The following AOX1 variants were observed in gnomAD, a reference collection of about 807,000 sequenced individuals.
The protein encoded by AOX1 is aldehyde oxidase.
A neutral mutation model predicts 169.5 loss-of-function variants in AOX1; 153 were observed. The ratio of observed to expected loss-of-function variants is 0.90; its 90% CI spans 0.79 to 1.03. The LOEUF (loss-of-function observed/expected upper bound fraction) is 1.03, where lower values mean the gene tolerates loss of function less well. Among genes scored for constraint, AOX1 ranks in the 50% least tolerant of loss-of-function variants. The pLI is 0.00. For synonymous variants in AOX1, 562 were observed against 581.9 expected, an observed-to-expected ratio of 0.97 and a Z score of 0.49; for missense variants, 1,656 against 1,663.9, an observed-to-expected ratio of 1.00 and a Z score of 0.08.
At chr2:200,586,179 C>T in intron 1 of AOX1, 26 bp downstream of exon 1, 1 of 1,546,008 alleles carries the variant, frequency 6.5e-7, no homozygotes, top group Non-Finnish European at 8.7e-7. Flanking sequence ...CTTCCTCTGC[C>T]CCCAGACCTG....
chr2:200,602,420 G>C, intron 6 of AOX1, 75 bp downstream of exon 6: 1 of 1,315,332 alleles, frequency 7.6e-7, no homozygotes, highest in Non-Finnish European at 1.1e-6. Flanking sequence ...CAGTGATTAG[G>C]GGGGCAGCCA....
At chr2:200,646,135 C>T (rs1362905514) in intron 25 of AOX1, among the ~76,000 whole-genome samples, 1 of 151,832 alleles carries the variant, frequency 6.6e-6, no homozygotes, top group Non-Finnish European at 1.5e-5. Context: ...TCTTTAGTTC[C>T]TTGAGGTGTG....
intron 27 of AOX1, among the ~76,000 whole-genome samples, 150 bp from the exon 28 acceptor site, chr2:200,659,012 CAAG>C (rs748771115): frequency 4.6e-5 from 7 of 152,162 alleles, no homozygotes; most frequent in South Asian, 2.1e-4. Flanking sequence ...TTTTTAGAAA[CAAG>C]AAACTTTTCA....
At chr2:200,626,870 C>A (rs559930824) in intron 19 of AOX1, among the ~76,000 whole-genome samples, 3 of 152,352 alleles carry the variant, frequency 2.0e-5, no homozygotes, top group South Asian at 4.1e-4. Context: ...CAACCACGAT[C>A]CTATTGGAGC....
rs763957532 is a variant in AOX1 at position 200,670,708 on chromosome 2, A to T, written c.*29A>T. 18 of 1,591,602 alleles carry T rather than the reference A, an allele frequency of 1.1e-5. No individual in the cohort carries two copies. In the South Asian group the frequency reaches 1.7e-4, roughly 15 times the overall value. On this transcript the variant is annotated 3_prime_UTR_variant, in exon 35 of 35. Coordinates refer to ENST00000374700, the MANE Select transcript of AOX1 (RefSeq NM_001159.4). ...AAATGCAAACTTCTGGAGAAAACAGAGTGCCTCTTCCCAGATGGCAATCTG... is the reference window on the plus strand; with the variant it reads ...AAATGCAAACTTCTGGAGAAAACAGTGTGCCTCTTCCCAGATGGCAATCTG...
chr2:200,634,826 A>G lies in AOX1; in HGVS notation c.2257A>G (p.Met753Val). The change falls in exon 21 of 35, where the codon ATG becomes GTG. Residue 753 changes from methionine to valine, a missense_variant. Coordinates refer to ENST00000374700, the MANE Select transcript of AOX1 (RefSeq NM_001159.4). Reference sequence around the variant, plus strand: ...TATGGGAGGTCAAGAACATTTTTATATGGAAACCCAAAGCATGCTTGTCGT... The same window carrying G: ...TATGGGAGGTCAAGAACATTTTTATGTGGAAACCCAAAGCATGCTTGTCGT... ...IHMGGQEHFY[M>V]ETQSMLVVPK... 6.2e-7 allele frequency: 1 copy of G among 1,614,034 alleles called. No homozygotes were observed.
chr2:200,630,210 TAAAAAAAAAAAA>T (rs57410809), intron 20 of AOX1, among the ~76,000 whole-genome samples: 4,348 of 95,520 alleles, frequency 0.046, 116 homozygotes, highest in South Asian at 0.099. Flanking sequence ...TCCTTCTATT[TAAAAAAAAAAAA>T]AAAAAAAAAA....
In AOX1 at chr2:200,604,100, G is replaced by T; in HGVS notation, c.669+3G>T. On this transcript the variant is annotated splice_donor_region_variant and intron_variant, in intron 8 of 34. Coordinates refer to ENST00000374700, the MANE Select transcript of AOX1 (RefSeq NM_001159.4). ...TGATATTTCCTCCTGAGCTAATGGT[G>T]AGTAAAGCAATGTTGAGCTCATCCT... 6.3e-7 allele frequency: 1 copy of T among 1,598,722 alleles called. No homozygotes were observed. The highest frequency in any genetic ancestry group is 8.6e-7 in the Non-Finnish European group (1 of 1,165,934).
intron 26 of AOX1, among the ~76,000 whole-genome samples, chr2:200,653,977 A>G (rs2035629555): frequency 1.3e-5 from 2 of 152,150 alleles, no homozygotes; most frequent in Admixed American, 1.3e-4. Context: ...TGACTGCTCC[A>G]CAAATAGAGG....
At chr2:200,596,301 C>T (rs2034281996) in intron 3 of AOX1, among the ~76,000 whole-genome samples, 1 of 152,188 alleles carries the variant, frequency 6.6e-6, no homozygotes, top group Admixed American at 6.5e-5. Context: ...GCTTACCTCT[C>T]TCACCTTCCA....
At chr2:200,601,764 C>G (rs1007654473) in intron 5 of AOX1, among the ~76,000 whole-genome samples, 4 of 151,994 alleles carry the variant, frequency 2.6e-5, no homozygotes, top group African/African-American at 9.7e-5. Context: ...GAAATCCCAT[C>G]TGTACTAAAA....
intron 29 of AOX1, 96 bp from the exon 30 acceptor site, chr2:200,661,483 T>C (rs2035827885): frequency 1.0e-5 from 10 of 991,886 alleles, no homozygotes; most frequent in Non-Finnish European, 1.6e-5. Flanking sequence ...TTGCTGATAG[T>C]TTTATTTAAC....
Position 200,620,713 on chromosome 2 carries a change from G to A in AOX1, c.1768G>A (p.Val590Met), listed in dbSNP as rs1374295191. The A allele has an allele frequency of 6.2e-7, 1 of 1,604,788 alleles. No homozygotes were observed. Among genetic ancestry groups the A allele is most frequent in the South Asian group, 1.1e-5 (1 of 88,182 alleles). ...IGHPIMHLSG[V>M]KHATGEAIYC... ...CCACCCCATCATGCATCTGTCTGGT[G>A]TGAAGCATGCCACGGGGGAGGCCAT... is the stretch of plus-strand genomic sequence containing the variant. The change falls in exon 17 of 35, where the codon GTG (valine) becomes ATG (methionine). Residue 590 changes from valine to methionine, a missense_variant. Physicochemically the swap from Val to Met is conservative, Grantham distance 21 (BLOSUM62 1). Coordinates refer to ENST00000374700, the MANE Select transcript of AOX1 (RefSeq NM_001159.4).
In AOX1 at chr2:200,587,087, C is replaced by T. The variant is rs544697418; in HGVS notation, c.45+934C>T. Among the ~76,000 whole-genome samples, 9 of 150,860 alleles carry T rather than the reference C, an allele frequency of 6.0e-5. No individual in the cohort carries two copies. In the East Asian group the frequency reaches 1.2e-3, roughly 20 times the overall value. On this transcript the variant is annotated intron_variant, in intron 1 of 34. Transcript: ENST00000374700. Reference sequence around the variant, plus strand: ...TTCGAGTTTAGCCTGGGCAACATGGCGAAACCTTGTCTCTACAAAAAAAAA... The same window carrying T: ...TTCGAGTTTAGCCTGGGCAACATGGTGAAACCTTGTCTCTACAAAAAAAAA...
intron 23 of AOX1, among the ~76,000 whole-genome samples, chr2:200,640,803 G>A (rs1476708018): frequency 2.6e-5 from 4 of 152,150 alleles, no homozygotes; most frequent in Non-Finnish European, 5.9e-5. Context: ...TGTGAGGAAA[G>A]GTGATATGAA....
At chr2:200,656,511 C>G (rs2287013) in intron 26 of AOX1, among the ~76,000 whole-genome samples, 1 of 151,878 alleles carries the variant, frequency 6.6e-6, no homozygotes, top group South Asian at 2.1e-4. Context: ...TGCAGCAAAA[C>G]AATTTTAGTG....
At chr2:200,616,299 C>T (rs2034757294) in intron 16 of AOX1, among the ~76,000 whole-genome samples, 2 of 152,230 alleles carry the variant, frequency 1.3e-5, no homozygotes, top group East Asian at 1.9e-4. Flanking sequence ...TTAAAGGTTA[C>T]GTGCTTTGCA....
chr2:200,674,064 C>T (rs1054793092), downstream of AOX1, among the ~76,000 whole-genome samples: 2 of 152,186 alleles, frequency 1.3e-5, no homozygotes, highest in Admixed American at 6.5e-5. Flanking sequence ...GGAGCAGGAG[C>T]GGGAGGAACA....
intron 1 of AOX1, among the ~76,000 whole-genome samples, chr2:200,589,154 T>C (rs2106362855): frequency 6.6e-6 from 1 of 152,256 alleles, no homozygotes; most frequent in South Asian, 2.1e-4. Flanking sequence ...TGCTAAATTT[T>C]CTCAGGTCAC....
Sources: allele counts gnomAD v4.1 joint callset (sites outside exome capture counted in the v4.1 genomes callset), GRCh38; gene constraint gnomAD v4.1.1; transcripts MANE v1.5; gene names NCBI Gene and HGNC (gene_info 2026-07-23, HGNC 2026-07-21).